The following RAD51B variants were observed in gnomAD, a reference collection of about 807,000 sequenced individuals.
The protein encoded by RAD51B is RAD51 paralog B, also known as DNA repair protein RAD51 homolog 2.
Under a neutral mutation model 42.2 loss-of-function variants are expected in RAD51B, and 38 were observed. That is an observed-to-expected ratio of 0.90 (90% CI 0.70 to 1.18). The LOEUF (loss-of-function observed/expected upper bound fraction) is 1.18. Ranked by LOEUF, RAD51B falls within the 50% of genes most tolerant of loss-of-function variation. The probability of loss-of-function intolerance (pLI) is 0.00; values close to 1 mark genes in which losing one functional copy is unlikely to be tolerated. For synonymous variants in RAD51B, 154 were observed against 145.2 expected (o/e 1.06, Z -0.43); for missense variants, 373 against 400.7 (o/e 0.93, Z 0.59).
intron 11 of RAD51B, among the ~76,000 whole-genome samples, chr14:68,662,044 A>G (rs1361661089): frequency 6.6e-6 from 1 of 152,206 alleles, no homozygotes; most frequent in Non-Finnish European, 1.5e-5. Context: ...GGCTGTCAGC[A>G]AATGCGATCC....
At chr14:67,962,632 G>A (rs143411362) in intron 7 of RAD51B, among the ~76,000 whole-genome samples, 4 of 152,278 alleles carry the variant, frequency 2.6e-5, no homozygotes, top group Admixed American at 6.5e-5. Flanking sequence ...GGCCACAGGC[G>A]TATCCTCTCA....
chr14:68,597,937 G>C (rs1048196698), downstream of RAD51B, among the ~76,000 whole-genome samples: 1 of 152,034 alleles, frequency 6.6e-6, no homozygotes, highest in Non-Finnish European at 1.5e-5. Flanking sequence ...ACTGTATCTC[G>C]GGGGCACAAA....
At chr14:68,394,214 T>C (rs2083846477) in intron 8 of RAD51B, among the ~76,000 whole-genome samples, 1 of 152,258 alleles carries the variant, frequency 6.6e-6, no homozygotes. Context: ...CTCTTTGTAA[T>C]CGCTGCTTCC....
intron 10 of RAD51B, among the ~76,000 whole-genome samples, chr14:68,526,529 T>C (rs1886942127): frequency 6.6e-6 from 1 of 152,240 alleles, no homozygotes; most frequent in African/African-American, 2.4e-5. Flanking sequence ...TAAAATATTT[T>C]TCCCATGAAC....
At chr14:68,549,570 C>T (rs1450007976) in intron 10 of RAD51B, among the ~76,000 whole-genome samples, 2 of 150,516 alleles carry the variant, frequency 1.3e-5, no homozygotes, top group Non-Finnish European at 3.0e-5. Flanking sequence ...CGCGCGCCAC[C>T]ATGCCCGGCT....
chr14:67,960,099 A>G (rs2074632981), intron 7 of RAD51B, among the ~76,000 whole-genome samples: 1 of 151,938 alleles, frequency 6.6e-6, no homozygotes, highest in African/African-American at 2.4e-5. Context: ...AAAAAAAAGA[A>G]GTGTGTGTGT....
intron 10 of RAD51B, among the ~76,000 whole-genome samples, chr14:68,539,400 C>G (rs905129503): frequency 6.6e-6 from 1 of 152,146 alleles, no homozygotes; most frequent in Non-Finnish European, 1.5e-5. Flanking sequence ...GCCTCCAAGT[C>G]GCCAGCACTC....
At chr14:68,139,099 T>A (rs1323443166) in intron 7 of RAD51B, among the ~76,000 whole-genome samples, 1 of 152,162 alleles carries the variant, frequency 6.6e-6, no homozygotes, top group Admixed American at 6.5e-5. Flanking sequence ...GAATTTATCC[T>A]TATTTCCTAA....
chr14:68,424,541 A>T (rs949424730), intron 9 of RAD51B, among the ~76,000 whole-genome samples: 1 of 152,324 alleles, frequency 6.6e-6, no homozygotes, highest in Middle Eastern at 3.4e-3. Context: ...ATACTGTTCC[A>T]TACTGACCTG....
In RAD51B at chr14:67,890,509, G is replaced by A. The variant is rs987511413; in HGVS notation, c.756+3305G>A. On this transcript the variant is annotated intron_variant, in intron 7 of 10. Coordinates refer to ENST00000471583, the MANE Select transcript of RAD51B (RefSeq NM_133510.4). ...AAGTTTTAGGGTACATGTGCACAAT[G>A]TGCAGGTTAGTTACATATGTATACA... 2.6e-5 allele frequency among the ~76,000 whole-genome samples: 4 copies of A among 151,632 alleles called. No individual in the cohort carries two copies. The East Asian group carries it at 7.7e-4, about 29-fold the overall frequency.
intron 7 of RAD51B, among the ~76,000 whole-genome samples, chr14:67,985,252 G>T (rs1015749002): frequency 1.3e-5 from 2 of 151,988 alleles, no homozygotes; most frequent in South Asian, 2.1e-4. Context: ...CTATACTTTT[G>T]TTCTGGACCA....
intron 7 of RAD51B, among the ~76,000 whole-genome samples, chr14:67,911,459 T>C (rs2043976867): frequency 6.6e-6 from 1 of 152,196 alleles, no homozygotes; most frequent in South Asian, 2.1e-4. Flanking sequence ...CATCCTGATA[T>C]GACATTCTGG....
intron 8 of RAD51B, among the ~76,000 whole-genome samples, chr14:68,365,739 T>C (rs2083129250): frequency 6.6e-6 from 1 of 152,244 alleles, no homozygotes; most frequent in African/African-American, 2.4e-5. Context: ...TATGGCAGTC[T>C]AAATTATATT....
Position 68,355,795 on chromosome 14 carries a change from T to C in RAD51B, c.854-55629T>C, listed in dbSNP as rs116707853. Among the ~76,000 whole-genome samples the C allele has an allele frequency of 6.5e-3, 984 of 152,348 alleles. 6 individuals are homozygous for C. Among genetic ancestry groups the C allele is most frequent in the African/African-American group, 0.021 (859 of 41,578 alleles). ...GTGCATATTATACTTCCATGTGCCA[T>C]TGTTAGAAAACAAGAGTGTACTTTC... On this transcript the variant is annotated intron_variant, in intron 8 of 10. Transcript: ENST00000471583.
At chr14:68,437,521 G>A (rs930200625) in intron 9 of RAD51B, among the ~76,000 whole-genome samples, 5 of 152,072 alleles carry the variant, frequency 3.3e-5, no homozygotes, top group Non-Finnish European at 5.9e-5. Flanking sequence ...TTTGTAGAAC[G>A]TAACTCTTCT....
chr14:68,343,723 C>G (rs1209752437), intron 8 of RAD51B, among the ~76,000 whole-genome samples: 1 of 152,262 alleles, frequency 6.6e-6, no homozygotes, highest in Non-Finnish European at 1.5e-5. Context: ...ACTCTGCTAT[C>G]AGACCCAGAG....
intron 8 of RAD51B, among the ~76,000 whole-genome samples, chr14:68,314,459 C>T (rs1595696996): frequency 6.6e-6 from 1 of 152,202 alleles, no homozygotes; most frequent in East Asian, 1.9e-4. Context: ...AAAATGCTTG[C>T]CTCTTTTCAG....
At chr14:68,169,594 G>A (rs1239504245) in intron 7 of RAD51B, among the ~76,000 whole-genome samples, 1 of 152,120 alleles carries the variant, frequency 6.6e-6, no homozygotes, top group African/African-American at 2.4e-5. Context: ...CCCCCAGTCT[G>A]ATATCTTGTA....
intron 8 of RAD51B, among the ~76,000 whole-genome samples, chr14:68,331,361 C>A (rs2082343673): frequency 5.3e-5 from 1 of 19,016 alleles, no homozygotes. Flanking sequence ...GAACGAGACT[C>A]TGTCTCAAAA....
Sources: gnomAD v4.1 joint callset for allele counts (sites outside exome capture counted in the v4.1 genomes callset) on GRCh38, gnomAD v4.1.1 for gene constraint, MANE v1.5 for transcripts, NCBI Gene and HGNC (gene_info 2026-07-23, HGNC 2026-07-21) for gene names.